The following TERF1 variants were observed in gnomAD, a reference collection of about 807,000 sequenced individuals.
TERF1 encodes telomeric repeat-binding factor 1.
A neutral mutation model predicts 55.1 loss-of-function variants in TERF1; 20 were observed. The ratio of observed to expected loss-of-function variants is 0.36; its 90% CI spans 0.26 to 0.53. TERF1 has a LOEUF of 0.53. Ranked by LOEUF, TERF1 falls within the 20% of genes least tolerant of loss-of-function variation. TERF1 has a pLI of 0.91. For missense variants in TERF1, 439 were observed against 535.7 expected (o/e 0.82, Z 1.78); for synonymous variants, 168 against 181.2 (o/e 0.93, Z 0.59).
At chr8:73,013,698 G>A (rs1808370585) in intron 1 of TERF1, 197 bp from the exon 2 acceptor site, 2 of 532,020 alleles carry the variant, frequency 3.8e-6, no homozygotes, top group Non-Finnish European at 6.7e-6. Context: ...TTCTACATGT[G>A]AAAGTTATAT....
chr8:73,019,233 T>C (rs1020964606), intron 2 of TERF1, among the ~76,000 whole-genome samples: 1 of 152,096 alleles, frequency 6.6e-6, no homozygotes, highest in Non-Finnish European at 1.5e-5. Context: ...GGGAAGGTAG[T>C]CTAGATAAAA....
chr8:73,017,763 C>T (rs1348309617), intron 2 of TERF1, among the ~76,000 whole-genome samples: 2 of 149,918 alleles, frequency 1.3e-5, no homozygotes, highest in East Asian at 2.0e-4. Context: ...AGTACAGTGA[C>T]GCCATCTTGG....
chr8:73,018,705 A>C (rs1351798550), intron 2 of TERF1, among the ~76,000 whole-genome samples: 1 of 152,188 alleles, frequency 6.6e-6, no homozygotes, highest in Non-Finnish European at 1.5e-5. Context: ...ATAAAAATAA[A>C]AAATTCTCTT....
At chr8:73,028,828 A>G (rs193074276) in intron 6 of TERF1, among the ~76,000 whole-genome samples, 1 of 152,162 alleles carries the variant, frequency 6.6e-6, no homozygotes, top group East Asian at 1.9e-4. Context: ...CTATAAAAGG[A>G]CTTATCTTCG....
intron 2 of TERF1, among the ~76,000 whole-genome samples, chr8:73,014,925 C>T (rs1808435376): frequency 6.6e-6 from 1 of 152,168 alleles, no homozygotes; most frequent in Non-Finnish European, 1.5e-5. Context: ...AGGCCTGGGC[C>T]AGTTGCTGGA....
chr8:73,009,472 G>A (rs1808187505), intron 1 of TERF1: 2 of 495,084 alleles, frequency 4.0e-6, no homozygotes, highest in Non-Finnish European at 7.2e-6. Context: ...GAGTTAAAAT[G>A]TATACAGTTC....
intron 2 of TERF1, among the ~76,000 whole-genome samples, chr8:73,016,967 T>C (rs1458043353): frequency 6.6e-6 from 1 of 152,176 alleles, no homozygotes; most frequent in Non-Finnish European, 1.5e-5. Flanking sequence ...TTCATCTCAT[T>C]TTCATTGCTT....
intron 5 of TERF1, among the ~76,000 whole-genome samples, chr8:73,026,637 ATTT>A (rs34434440): frequency 0.032 from 4,766 of 148,180 alleles, 258 homozygotes; most frequent in African/African-American, 0.11. Flanking sequence ...TAGAATTTTT[ATTT>A]TTTTTTTTTT....
At chr8:73,014,012 A>G (rs926724946) in intron 2 of TERF1, 22 bp downstream of exon 2, 5 of 1,506,504 alleles carry the variant, frequency 3.3e-6, no homozygotes, top group Non-Finnish European at 3.7e-6. Flanking sequence ...TTTTTATTTT[A>G]TATTGGAAAT....
At chr8:73,038,968 C>A in intron 8 of TERF1, 148 bp from the exon 9 acceptor site, 1 of 720,964 alleles carries the variant, frequency 1.4e-6, no homozygotes, top group Non-Finnish European at 2.2e-6. Flanking sequence ...CTATACCATA[C>A]TGCTTCCAGA....
intron 9 of TERF1, among the ~76,000 whole-genome samples, chr8:73,040,877 T>A (rs1809806568): frequency 1.3e-5 from 2 of 152,214 alleles, no homozygotes; most frequent in South Asian, 4.1e-4. Context: ...CTGTGTTTAA[T>A]CTGCTTATGA....
chr8:73,018,815 A>AT (rs1764249604), intron 2 of TERF1: 1 of 152,222 alleles, frequency 6.6e-6, no homozygotes, highest in African/African-American at 2.4e-5. Context: ...GCCCCCCAAA[A>AT]TTTGAAATAT....
chr8:73,020,921 C>A, intron 3 of TERF1, 116 bp downstream of exon 3: 1 of 724,172 alleles, frequency 1.4e-6, no homozygotes, highest in Non-Finnish European at 2.2e-6. Context: ...TGTTTCTCTT[C>A]AGAAATTTGA....
chr8:73,025,960 C>T (rs188278771), intron 5 of TERF1, among the ~76,000 whole-genome samples: 25 of 151,346 alleles, frequency 1.7e-4, no homozygotes, highest in Middle Eastern at 6.9e-3. Flanking sequence ...TTTGGGAGGC[C>T]GAAATGGGTA....
chr8:73,045,902 A>G (rs1810010317), intron 9 of TERF1, 59 bp from the exon 10 acceptor site: 1 of 1,316,228 alleles, frequency 7.6e-7, no homozygotes, highest in Non-Finnish European at 1.0e-6. Flanking sequence ...CATTTATAGT[A>G]GGTATTTTCT....
At chr8:73,036,023 A>G (rs1010164401) in intron 8 of TERF1, among the ~76,000 whole-genome samples, 1 of 152,228 alleles carries the variant, frequency 6.6e-6, no homozygotes, top group Non-Finnish European at 1.5e-5. Context: ...ATTATAGCAA[A>G]CAACATGGCA....
chr8:73,014,111 TG>T (rs1380603650), intron 2 of TERF1, 121 bp downstream of exon 2: 19 of 712,520 alleles, frequency 2.7e-5, no homozygotes, highest in South Asian at 3.5e-5. Flanking sequence ...CATAGGGGTG[TG>T]GGGGGGTGGT....
chr8:73,038,917 T>G (rs1178034707), intron 8 of TERF1, 199 bp from the exon 9 acceptor site: 5 of 510,006 alleles, frequency 9.8e-6, no homozygotes, highest in Non-Finnish European at 1.5e-5. Context: ...GAATCAAGAC[T>G]CAAAACACTC....
intron 9 of TERF1, among the ~76,000 whole-genome samples, chr8:73,044,471 G>T (rs1413772299): frequency 6.6e-6 from 1 of 152,060 alleles, no homozygotes; most frequent in African/African-American, 2.4e-5. Context: ...GTATTCTTCA[G>T]GCCACCTTGA....
Sources: allele counts gnomAD v4.1 joint callset (sites outside exome capture counted in the v4.1 genomes callset), GRCh38; gene constraint gnomAD v4.1.1; transcripts MANE v1.5; gene names NCBI Gene and HGNC (gene_info 2026-07-23, HGNC 2026-07-21).